ADAMTS17: variants seen among roughly 807,000 people sequenced by gnomAD.
ADAMTS17 encodes A disintegrin and metalloproteinase with thrombospondin motifs 17.
ADAMTS17 carries 113 observed loss-of-function variants against 141.5 expected under a neutral mutation model. That is an observed-to-expected ratio of 0.80 (90% CI 0.69 to 0.93). The LOEUF (loss-of-function observed/expected upper bound fraction) is 0.93. Among genes scored for constraint, ADAMTS17 ranks in the 40% least tolerant of loss-of-function variants. ADAMTS17 has a pLI of 0.00. For synonymous variants in ADAMTS17, 768 were observed against 630.6 expected (o/e 1.22, Z -3.27); for missense variants, 1,659 against 1,517.9 (o/e 1.09, Z -1.54).
intron 20 of ADAMTS17, among the ~76,000 whole-genome samples, chr15:99,980,982 G>T (rs1438344302): frequency 1.3e-5 from 2 of 152,222 alleles, no homozygotes; most frequent in Admixed American, 1.3e-4. Context: ...CTCCACGGCA[G>T]CACGGAACGT....
Position 100,249,051 on chromosome 15 carries a change from G to A in ADAMTS17, c.1075+5085C>T, listed in dbSNP as rs563510482. On this transcript the variant is annotated intron_variant, in intron 7 of 21. Transcript: ENST00000268070. ...TGACCTCACGTGATCCGCCCACCTC[G>A]GCCTCCCAAAGTGATGGGATTACAG... Among the ~76,000 whole-genome samples the A allele has an allele frequency of 1.1e-4, 16 of 151,952 alleles. No homozygotes were observed. In the East Asian group the frequency reaches 2.3e-3, roughly 22 times the overall value.
intron 3 of ADAMTS17, among the ~76,000 whole-genome samples, chr15:100,289,412 G>T (rs2044553118): frequency 6.6e-6 from 1 of 151,430 alleles, no homozygotes; most frequent in Non-Finnish European, 1.5e-5. Flanking sequence ...GATGTATAAA[G>T]AAGAGCTGGT....
At chr15:100,100,095 C>T (rs747445744) in intron 14 of ADAMTS17, among the ~76,000 whole-genome samples, 3 of 152,196 alleles carry the variant, frequency 2.0e-5, no homozygotes, top group Admixed American at 6.5e-5. Context: ...TTGATTCACC[C>T]GTGGTGCCTG....
At chr15:100,068,801 A>G (rs1458233653) in intron 15 of ADAMTS17, among the ~76,000 whole-genome samples, 1 of 152,212 alleles carries the variant, frequency 6.6e-6, no homozygotes, top group Non-Finnish European at 1.5e-5. Flanking sequence ...AAACATGGGG[A>G]AAAACAGAGC....
At chr15:100,331,596 G>T (rs577993756) in intron 2 of ADAMTS17, among the ~76,000 whole-genome samples, 2 of 152,082 alleles carry the variant, frequency 1.3e-5, no homozygotes, top group Non-Finnish European at 2.9e-5. Flanking sequence ...CAAGGAAATC[G>T]AACCCAGGCA....
At chr15:100,119,712 G>T (rs150723306) in intron 12 of ADAMTS17, among the ~76,000 whole-genome samples, 2 of 152,210 alleles carry the variant, frequency 1.3e-5, no homozygotes, top group Non-Finnish European at 2.9e-5. Flanking sequence ...GATACCACAC[G>T]TGCCTTGGCA....
At position 100,155,161 on chromosome 15, in the gene ADAMTS17, G is replaced by C; in HGVS notation, c.1322+19C>G. 1.2e-6 allele frequency: 2 copies of C among 1,614,188 alleles called. No homozygotes were observed. The highest frequency in any genetic ancestry group is 8.5e-7 in the Non-Finnish European group (1 of 1,180,024). On this transcript the variant is annotated intron_variant, in intron 9 of 21. Coordinates refer to ENST00000268070, the MANE Select transcript of ADAMTS17 (RefSeq NM_139057.4). ...TACTTTTGATTGCATTCATCCTATAGAATAATTCCAGGACTTACTTGAGGA... is the reference window on the plus strand; with the variant it reads ...TACTTTTGATTGCATTCATCCTATACAATAATTCCAGGACTTACTTGAGGA...
intron 20 of ADAMTS17, among the ~76,000 whole-genome samples, chr15:99,991,094 T>G (rs541696379): frequency 2.0e-5 from 3 of 152,178 alleles, no homozygotes; most frequent in Admixed American, 2.0e-4. Flanking sequence ...GCAATACCAC[T>G]CAGGACATAG....
At chr15:100,007,531 C>T (rs566847168) in intron 18 of ADAMTS17, among the ~76,000 whole-genome samples, 135 of 152,200 alleles carry the variant, frequency 8.9e-4, no homozygotes, top group Non-Finnish European at 1.4e-3. Context: ...ACCGATTCTC[C>T]TGCCTCAGCC....
chr15:100,140,817 C>T (rs1193667115), intron 10 of ADAMTS17, among the ~76,000 whole-genome samples: 1 of 152,098 alleles, frequency 6.6e-6, no homozygotes, highest in Non-Finnish European at 1.5e-5. Context: ...AGTGTCCATC[C>T]TCTCATCTGC....
rs575194590 is a variant in ADAMTS17 at position 99,977,296 on chromosome 15, C to T, written c.2950-1074G>A. Among the ~76,000 whole-genome samples, 19 of 139,228 alleles carry T rather than the reference C, an allele frequency of 1.4e-4. No homozygotes were observed. The South Asian group carries it at 4.0e-3, about 29-fold the overall frequency. 91.3% of individuals were successfully genotyped at this position (139,228 alleles called of 152,430 possible). ...AGTTGAGCAGAGGCCCCCAAATTCC[C>T]AAGGAGTGGACCCGGTTAAGACTTC... On this transcript the variant is annotated intron_variant, in intron 20 of 21. Coordinates refer to ENST00000268070, the MANE Select transcript of ADAMTS17 (RefSeq NM_139057.4).
At chr15:100,124,245 C>T (rs952286506) in intron 12 of ADAMTS17, among the ~76,000 whole-genome samples, 2 of 152,188 alleles carry the variant, frequency 1.3e-5, no homozygotes, top group African/African-American at 4.8e-5. Flanking sequence ...GGATTATAGG[C>T]ATGAGCCACT....
At chr15:100,263,688 C>T (rs778466388) in intron 4 of ADAMTS17, among the ~76,000 whole-genome samples, 4 of 152,138 alleles carry the variant, frequency 2.6e-5, no homozygotes, top group Admixed American at 6.5e-5. Context: ...GAGAGGTACG[C>T]GGAGAGCATA....
At chr15:100,340,025 G>A (rs1220425468) in intron 2 of ADAMTS17, among the ~76,000 whole-genome samples, 1 of 152,228 alleles carries the variant, frequency 6.6e-6, no homozygotes, top group Non-Finnish European at 1.5e-5. Flanking sequence ...TCTTGTGCCT[G>A]GGAAGGACAG....
rs2060251226 is a variant in ADAMTS17, at chr15:99,973,375, CCTAGGCCTGGGCTTGTGT to C, written c.*1009_*1026del. The C allele has an allele frequency of 1.1e-5, 1 of 88,420 alleles. No homozygotes were observed. The highest frequency in any genetic ancestry group is 2.7e-4 in the East Asian group (1 of 3,708). 5.5% of individuals were successfully genotyped at this position (88,420 alleles called of 1,614,324 possible). On this transcript the variant is annotated 3_prime_UTR_variant, in exon 22 of 22. Coordinates refer to ENST00000268070, the MANE Select transcript of ADAMTS17 (RefSeq NM_139057.4). ...AGCAGTCAGGCCTTGCTCTACAGAT[CCTAGGCCTGGGCTTGTGT>C]CCTCAGAGGTCCCAAATGTCGTCTT... is the stretch of plus-strand genomic sequence containing the variant.
intron 3 of ADAMTS17, among the ~76,000 whole-genome samples, chr15:100,317,550 G>A (rs2045603850): frequency 6.6e-6 from 1 of 152,128 alleles, no homozygotes; most frequent in South Asian, 2.1e-4. Context: ...ATGAGCCGGT[G>A]GGGACACATC....
At chr15:100,044,094 A>G (rs2031488367) in intron 18 of ADAMTS17, among the ~76,000 whole-genome samples, 1 of 152,210 alleles carries the variant, frequency 6.6e-6, no homozygotes, top group East Asian at 1.9e-4. Context: ...CGAACTTGAT[A>G]TACTTGCCCA....
At chr15:100,104,236 T>C (rs1321535202) in intron 14 of ADAMTS17, among the ~76,000 whole-genome samples, 2 of 152,214 alleles carry the variant, frequency 1.3e-5, no homozygotes, top group Non-Finnish European at 2.9e-5. Flanking sequence ...TGTCTCTCCT[T>C]CTGGAGGCCA....
At chr15:100,007,997 C>T (rs1240255227) in intron 18 of ADAMTS17, among the ~76,000 whole-genome samples, 2 of 151,972 alleles carry the variant, frequency 1.3e-5, no homozygotes, top group Admixed American at 6.5e-5. Flanking sequence ...TCAGGGATGC[C>T]GGGAAGGGAC....
Sources: gnomAD v4.1 joint callset for allele counts (sites outside exome capture counted in the v4.1 genomes callset) on GRCh38, gnomAD v4.1.1 for gene constraint, MANE v1.5 for transcripts, NCBI Gene and HGNC (gene_info 2026-07-23, HGNC 2026-07-21) for gene names.